The following SLC16A12 variants were observed in gnomAD, a reference collection of about 807,000 sequenced individuals.
The protein encoded by SLC16A12 is solute carrier family 16 member 12, also known as monocarboxylate transporter 12.
In SLC16A12, 17 loss-of-function variants were observed where a neutral mutation model predicts 42.4. That is an observed-to-expected ratio of 0.40 (90% CI 0.27 to 0.60). The LOEUF (loss-of-function observed/expected upper bound fraction) is 0.60. Among genes scored for constraint, SLC16A12 ranks in the 20% least tolerant of loss-of-function variants. The pLI is 0.42. For missense variants in SLC16A12, 544 were observed against 623.0 expected, an observed-to-expected ratio of 0.87 and a Z score of 1.35; for synonymous variants, 224 against 229.4, an observed-to-expected ratio of 0.98 and a Z score of 0.21.
upstream of SLC16A12, among the ~76,000 whole-genome samples, chr10:89,538,726 A>G (rs543725422): frequency 6.6e-5 from 10 of 152,370 alleles, no homozygotes; most frequent in Admixed American, 5.2e-4. Flanking sequence ...CATATTATAC[A>G]TGTGTAAAAA....
chr10:89,505,719 C>T (rs1398989199), intron 2 of SLC16A12, among the ~76,000 whole-genome samples: 3 of 152,208 alleles, frequency 2.0e-5, no homozygotes, highest in Non-Finnish European at 4.4e-5. Context: ...TACACTCCTC[C>T]CCAGATACTG....
chr10:89,526,308 A>C (rs2133862663), intron 2 of SLC16A12, among the ~76,000 whole-genome samples: 2 of 152,330 alleles, frequency 1.3e-5, no homozygotes, highest in East Asian at 3.9e-4. Flanking sequence ...ATTCCCCAGA[A>C]TTTGATCTTT....
chr10:89,514,507 A>C (rs1843214619), intron 2 of SLC16A12, among the ~76,000 whole-genome samples: 1 of 152,158 alleles, frequency 6.6e-6, no homozygotes, highest in Non-Finnish European at 1.5e-5. Flanking sequence ...GCCTGTAGAC[A>C]ATGGCCCTCT....
At chr10:89,467,433 A>G (rs1842421229) in intron 2 of SLC16A12, among the ~76,000 whole-genome samples, 1 of 152,240 alleles carries the variant, frequency 6.6e-6, no homozygotes. Flanking sequence ...TGCATTAACA[A>G]TAATATATAA....
intron 2 of SLC16A12, among the ~76,000 whole-genome samples, chr10:89,530,599 G>A (rs1358322092): frequency 6.6e-6 from 1 of 151,750 alleles, no homozygotes; most frequent in African/African-American, 2.4e-5. Flanking sequence ...TTGTACTTTA[G>A]TACTAGAGAC....
At chr10:89,436,914 A>AAGAAAGAGAAAGAAAGAAAAAG (rs796398100) in intron 6 of SLC16A12, among the ~76,000 whole-genome samples, 1 of 136,462 alleles carries the variant, frequency 7.3e-6, no homozygotes, top group African/African-American at 2.8e-5. Flanking sequence ...GAAAGAAAGA[A>AAGAAAGAGAAAGAAAGAAAAAG]AAAGAAAGAG....
upstream of SLC16A12, among the ~76,000 whole-genome samples, chr10:89,535,800 G>A (rs1224731021): frequency 2.0e-5 from 3 of 152,050 alleles, no homozygotes; most frequent in Admixed American, 6.5e-5. Flanking sequence ...CGCGATCCGC[G>A]CTTCGGTGGG....
intron 2 of SLC16A12, among the ~76,000 whole-genome samples, chr10:89,540,861 A>G (rs1171545444): frequency 3.3e-5 from 5 of 152,218 alleles, no homozygotes; most frequent in African/African-American, 1.2e-4. Context: ...AGAAAACCGA[A>G]GTAAAAAATC....
At chr10:89,462,951 A>G (rs1309722583) in intron 2 of SLC16A12, 6 of 192,984 alleles carry the variant, frequency 3.1e-5, no homozygotes, top group Admixed American at 5.5e-5. Context: ...CTTCTGGTTC[A>G]TCAACTCAAA....
At chr10:89,460,774 C>T (rs1250920653) in intron 3 of SLC16A12, among the ~76,000 whole-genome samples, 1 of 145,712 alleles carries the variant, frequency 6.9e-6, no homozygotes, top group African/African-American at 2.6e-5. Context: ...AAAAATCACA[C>T]TTCATAGTAT....
rs1164561255 is a variant in SLC16A12 at position 89,430,588 on chromosome 10, C to A, written c.*2476G>T. 6 of 457,622 alleles carry A rather than the reference C, an allele frequency of 1.3e-5. No individual in the cohort carries two copies. The highest frequency in any genetic ancestry group is 2.7e-5 in the Non-Finnish European group (6 of 224,110). 28.3% of individuals were successfully genotyped at this position (457,622 alleles called of 1,614,324 possible). Reference sequence around the variant, plus strand: ...AGTTTTGAAATAAACAGTATAGACACATGGAACATTAACACTAAAATTCTG... The same window carrying A: ...AGTTTTGAAATAAACAGTATAGACAAATGGAACATTAACACTAAAATTCTG... On this transcript the variant is annotated 3_prime_UTR_variant, in exon 8 of 8. Coordinates refer to ENST00000371790, the MANE Select transcript of SLC16A12 (RefSeq NM_213606.4).
At chr10:89,507,056 T>C (rs964822921) in intron 2 of SLC16A12, among the ~76,000 whole-genome samples, 1 of 151,948 alleles carries the variant, frequency 6.6e-6, no homozygotes, top group Non-Finnish European at 1.5e-5. Flanking sequence ...GAAAAAACCC[T>C]CCAAGAAATA....
At chr10:89,481,765 C>G (rs1202694436) in intron 2 of SLC16A12, among the ~76,000 whole-genome samples, 1 of 149,368 alleles carries the variant, frequency 6.7e-6, no homozygotes, top group African/African-American at 2.5e-5. Flanking sequence ...AATTGTTTTC[C>G]TTTTACAAAG....
intron 2 of SLC16A12, among the ~76,000 whole-genome samples, chr10:89,478,663 CA>C (rs1228153467): frequency 6.6e-6 from 1 of 152,218 alleles, no homozygotes; most frequent in Non-Finnish European, 1.5e-5. Context: ...AGCCACCTAT[CA>C]CCTTTATTTA....
chr10:89,473,621 C>T (rs566077982), intron 2 of SLC16A12, among the ~76,000 whole-genome samples: 164 of 152,124 alleles, frequency 1.1e-3, no homozygotes, highest in African/African-American at 3.5e-3. Context: ...TAATTTTTTT[C>T]GTATCTATAT....
At chr10:89,475,614 A>C (rs543858511) in intron 2 of SLC16A12, among the ~76,000 whole-genome samples, 1 of 152,288 alleles carries the variant, frequency 6.6e-6, no homozygotes, top group African/African-American at 2.4e-5. Flanking sequence ...TTAGTCCTCA[A>C]ACAAATCCTG....
intron 3 of SLC16A12, among the ~76,000 whole-genome samples, chr10:89,455,555 TATCTGTTCTCA>T (rs1173215765): frequency 6.6e-6 from 1 of 152,230 alleles, no homozygotes; most frequent in African/African-American, 2.4e-5. Context: ...TTTTATCACT[TATCTGTTCTCA>T]AAGGGGAAAA....
intron 2 of SLC16A12, among the ~76,000 whole-genome samples, chr10:89,552,790 T>A: frequency 6.6e-6 from 1 of 152,230 alleles, no homozygotes; most frequent in East Asian, 1.9e-4. Flanking sequence ...CAAAACCAGA[T>A]GGTGACATCC....
chr10:89,463,872 C>G (rs1842346144), intron 2 of SLC16A12, among the ~76,000 whole-genome samples: 1 of 152,188 alleles, frequency 6.6e-6, no homozygotes, highest in Admixed American at 6.6e-5. Context: ...TGGGCAGGCT[C>G]TAAGGTACCC....
Sources: allele counts gnomAD v4.1 joint callset (sites outside exome capture counted in the v4.1 genomes callset), GRCh38; gene constraint gnomAD v4.1.1; transcripts MANE v1.5; gene names NCBI Gene and HGNC (gene_info 2026-07-23, HGNC 2026-07-21).